Variants in USP10 observed in about 807,000 individuals in gnomAD.
USP10 encodes ubiquitin specific peptidase 10.
USP10 carries 22 observed loss-of-function variants against 84.5 expected under a neutral mutation model. The ratio of observed to expected loss-of-function variants is 0.26; its 90% CI spans 0.19 to 0.37. USP10 has a LOEUF of 0.37. Among genes scored for constraint, USP10 ranks in the 10% least tolerant of loss-of-function variants. The probability of loss-of-function intolerance (pLI) is 1.00; values close to 1 mark genes in which losing one functional copy is unlikely to be tolerated. For synonymous variants in USP10, 454 were observed against 387.6 expected (o/e 1.17, Z -2.01); for missense variants, 1,019 against 998.9 (o/e 1.02, Z -0.27).
intron 13 of USP10, 90 bp downstream of exon 13, chr16:84,775,315 C>A: frequency 7.8e-7 from 1 of 1,281,150 alleles, no homozygotes; most frequent in Non-Finnish European, 1.1e-6. Flanking sequence ...CTTAGCATAG[C>A]GACCAGATGC....
chr16:84,751,335 TC>T (rs1407406363), intron 4 of USP10, among the ~76,000 whole-genome samples: 1 of 152,216 alleles, frequency 6.6e-6, no homozygotes, highest in Non-Finnish European at 1.5e-5. Context: ...CTAAAACTGA[TC>T]TTTATTTTGG....
intron 13 of USP10, among the ~76,000 whole-genome samples, chr16:84,777,750 A>G (rs573978089): frequency 6.6e-6 from 1 of 152,230 alleles, no homozygotes; most frequent in Admixed American, 6.5e-5. Flanking sequence ...TCCACGTGAC[A>G]ACTGCGACTA....
chr16:84,758,697 T>C lies in USP10; in HGVS notation c.1193-19T>C, dbSNP rs373429156. The C allele has an allele frequency of 2.0e-4, 309 of 1,553,570 alleles. 2 individuals are homozygous for C. The highest frequency in any genetic ancestry group is 8.1e-4 in the South Asian group (73 of 89,852). On this transcript the variant is annotated intron_variant, in intron 4 of 13. Coordinates refer to ENST00000219473, the MANE Select transcript of USP10 (RefSeq NM_005153.3). ...CTAGATGTCATCAATTTCTGAAATA[T>C]GCTTCTTCACTCTTTCAGAGTTGCT...
intron 4 of USP10, among the ~76,000 whole-genome samples, chr16:84,752,775 G>A (rs926607430): frequency 6.6e-6 from 1 of 152,196 alleles, no homozygotes; most frequent in Non-Finnish European, 1.5e-5. Flanking sequence ...TAAAGCGTTA[G>A]TGTCTCCTCC....
At chr16:84,771,300 C>T (rs967869495) in intron 11 of USP10, among the ~76,000 whole-genome samples, 16 of 152,032 alleles carry the variant, frequency 1.1e-4, no homozygotes, top group African/African-American at 3.6e-4. Flanking sequence ...GCCTGGAATC[C>T]CAGCACGGTG....
chr16:84,774,497 T>TTCTTCGAGACAGAG (rs77818365), intron 12 of USP10, among the ~76,000 whole-genome samples: 127,078 of 150,214 alleles, frequency 0.85, 54,218 homozygotes, highest in African/African-American at 0.95. Context: ...GTTTGTTTTT[T>TTCTTCGAGACAGAG]TCTTGCTCTG....
intron 4 of USP10, among the ~76,000 whole-genome samples, chr16:84,750,994 G>C (rs1211985050): frequency 6.6e-6 from 1 of 152,204 alleles, no homozygotes; most frequent in Non-Finnish European, 1.5e-5. Flanking sequence ...GAATTACCCT[G>C]TCCGTGTTTA....
intron 4 of USP10, among the ~76,000 whole-genome samples, chr16:84,758,269 G>A (rs545583577): frequency 7.9e-5 from 12 of 152,302 alleles, no homozygotes; most frequent in African/African-American, 2.9e-4. Flanking sequence ...ATTAGATGCT[G>A]GGGATGCAGA....
Position 84,745,233 on chromosome 16 carries a change from G to T in USP10, c.752G>T (p.Gly251Val). The T allele has an allele frequency of 1.2e-6, 2 of 1,613,352 alleles. No individual in the cohort carries two copies. Among genetic ancestry groups the T allele is most frequent in the South Asian group, 1.1e-5 (1 of 91,038 alleles). Residue 251 changes from glycine to valine, a missense_variant, in exon 4 of 14, where the codon GGT becomes GTT. Transcript: ENST00000219473. ...GAGGGGGGCCCCGGGGCTGATTTTG[G>T]TCAGTCCTGCTTCCCTGCAGAGGCT... is the stretch of plus-strand genomic sequence containing the variant. ...QPEGGPGADF[G>V]QSCFPAEAGR...
intron 4 of USP10, among the ~76,000 whole-genome samples, chr16:84,752,421 A>G (rs1912037575): frequency 6.6e-6 from 1 of 152,242 alleles, no homozygotes; most frequent in Non-Finnish European, 1.5e-5. Flanking sequence ...ATGCAGGTCA[A>G]GTTTCAACCT....
intron 1 of USP10, among the ~76,000 whole-genome samples, chr16:84,707,132 G>A (rs1317125118): frequency 6.6e-6 from 1 of 152,186 alleles, no homozygotes; most frequent in Non-Finnish European, 1.5e-5. Context: ...TTAAAAGCAG[G>A]TGTTTTGACT....
intron 2 of USP10, among the ~76,000 whole-genome samples, chr16:84,734,418 C>T (rs1195956243): frequency 6.6e-6 from 1 of 152,208 alleles, no homozygotes; most frequent in South Asian, 2.1e-4. Flanking sequence ...GCTGGCAATA[C>T]GGATGTCCTC....
At chr16:84,759,705 A>G (rs866537204) in intron 6 of USP10, 186 bp from the exon 7 acceptor site, 33 of 699,506 alleles carry the variant, frequency 4.7e-5, no homozygotes, top group Non-Finnish European at 9.6e-6. Context: ...GTTTACCAGC[A>G]TATATCACTT....
rs540812515 is a variant in USP10, at chr16:84,765,418, T to G, written c.1832+1155T>G. On this transcript the variant is annotated intron_variant, in intron 10 of 13. Transcript: ENST00000219473. ...CCCTTGGTGTCCTTCGACCGACATC[T>G]TCCATTCCCACTCGCCACCCCTAGG... Among the ~76,000 whole-genome samples, 205 of 152,108 alleles carry G rather than the reference T, an allele frequency of 1.3e-3. 1 individual carries two copies. The highest frequency in any genetic ancestry group is 4.8e-3 in the African/African-American group (199 of 41,508).
intron 1 of USP10, among the ~76,000 whole-genome samples, chr16:84,703,039 TAAA>T (rs916686204): frequency 8.7e-6 from 1 of 114,638 alleles, no homozygotes. Context: ...TCAAAATAAA[TAAA>T]AAAGTTTATA....
At chr16:84,735,196 G>GATTGTGTGTGTGTGT (rs1555541026) in intron 2 of USP10, among the ~76,000 whole-genome samples, 1 of 146,264 alleles carries the variant, frequency 6.8e-6, no homozygotes, top group African/African-American at 2.5e-5. Context: ...AGGCCCGGGT[G>GATTGTGTGTGTGTGT]GTGTGTGTGT....
chr16:84,761,428 C>T (rs1023757556), intron 8 of USP10, among the ~76,000 whole-genome samples: 2 of 152,210 alleles, frequency 1.3e-5, no homozygotes, highest in Non-Finnish European at 2.9e-5. Flanking sequence ...GCTGGTATAC[C>T]CGTGGCTATG....
intron 1 of USP10, among the ~76,000 whole-genome samples, chr16:84,729,657 A>G (rs1015710667): frequency 1.3e-5 from 2 of 152,250 alleles, no homozygotes; most frequent in African/African-American, 2.4e-5. Flanking sequence ...TTTCAGTTAT[A>G]AAATCGAAAG....
In USP10 at chr16:84,704,989, G is replaced by A. The variant is rs771394088; in HGVS notation, c.21+4878G>A. 1.4e-4 allele frequency: 192 copies of A among 1,329,058 alleles called. 1 individual carries two copies. The East Asian group carries it at 1.7e-3, about 12-fold the overall frequency. The allele number at this position is 1,329,058 out of a possible 1,614,324, so 82.3% of individuals were successfully genotyped here. On this transcript the variant is annotated intron_variant, in intron 1 of 13. Coordinates refer to ENST00000219473, the MANE Select transcript of USP10 (RefSeq NM_005153.3). ...GAGTGCGGGCCCAGCACCTGCTACC[G>A]TCTGCGCTGTAATGGTGGCTGCTCC...
Sources: gnomAD v4.1 joint callset for allele counts (sites outside exome capture counted in the v4.1 genomes callset) on GRCh38, gnomAD v4.1.1 for gene constraint, MANE v1.5 for transcripts, NCBI Gene and HGNC (gene_info 2026-07-23, HGNC 2026-07-21) for gene names.